Variants in FXN observed in about 807,000 individuals in gnomAD.
The protein encoded by FXN is frataxin, mitochondrial.
FXN carries 14 observed loss-of-function variants against 22.4 expected under a neutral mutation model. The ratio of observed to expected loss-of-function variants is 0.62; its 90% CI spans 0.41 to 0.98. The LOEUF is 0.98. FXN is among the 50% of genes least tolerant of loss of function. The pLI, the probability that FXN is intolerant of heterozygous loss-of-function variation, is 0.00. For synonymous variants in FXN, 120 were observed against 114.1 expected (o/e 1.05, Z -0.33); for missense variants, 267 against 268.4 (o/e 0.99, Z 0.04).
chr9:69,053,063 A>T (rs1831882411), intron 2 of FXN, 77 bp from the exon 3 acceptor site: 2 of 1,420,454 alleles, frequency 1.4e-6, no homozygotes. Context: ...GAATTTAAAT[A>T]ACAAATGTAT....
At chr9:69,067,225 C>T (rs1832183484) in intron 4 of FXN, among the ~76,000 whole-genome samples, 1 of 152,240 alleles carries the variant, frequency 6.6e-6, no homozygotes, top group Non-Finnish European at 1.5e-5. Context: ...GGCGGCTCTC[C>T]CCACTCCCGG....
chr9:69,037,149 C>G (rs773140020), intron 1 of FXN, among the ~76,000 whole-genome samples: 27 of 151,748 alleles, frequency 1.8e-4, no homozygotes, highest in Middle Eastern at 3.4e-3. Flanking sequence ...CCTGGCAGGA[C>G]GCGGTGGCTC....
chr9:69,053,944 ATG>A (rs1381384724), intron 3 of FXN, among the ~76,000 whole-genome samples: 2 of 152,150 alleles, frequency 1.3e-5, no homozygotes, highest in Non-Finnish European at 2.9e-5. Context: ...GGGGTGTGGC[ATG>A]ACCTGGGCAG....
Position 69,075,490 on chromosome 9 carries a change from C to G in FXN, c.*2728C>G, listed in dbSNP as rs1361398309. 1.0e-6 allele frequency: 1 copy of G among 980,356 alleles called. No homozygotes were observed. Among genetic ancestry groups the G allele is most frequent in the African/African-American group, 1.8e-5 (1 of 55,406 alleles). 60.7% of individuals were successfully genotyped at this position (980,356 alleles called of 1,614,324 possible). ...AATAAATAAATAAATAAAGGGACTT[C>G]AAACACATGAACAGCAGCCAGGGGA... On this transcript the variant is annotated 3_prime_UTR_variant, in exon 5 of 5. Transcript: ENST00000484259.
rs1428032079 is a variant in FXN, at chr9:69,064,967, A to C, written c.414A>C (p.Gly138=). The C allele has an allele frequency of 6.2e-7, 1 of 1,613,790 alleles. No homozygotes were observed. The highest frequency in any genetic ancestry group is 1.7e-5 in the Admixed American group (1 of 59,990). ...GTGTCTTAACTGTCAAACTGGGTGG[A>C]GATCTAGGAACCTATGTGATCAACA... ...GSGVLTVKLG[G]DLGTYVINKQ... is the part of the protein sequence containing the mutation. The change falls in exon 4 of 5, where the codon GGA becomes GGC. Residue 138 remains glycine (G), a synonymous_variant. Transcript: ENST00000484259.
At chr9:69,067,494 C>G (rs577524070) in intron 4 of FXN, among the ~76,000 whole-genome samples, 6 of 152,274 alleles carry the variant, frequency 3.9e-5, no homozygotes, top group Non-Finnish European at 8.8e-5. Flanking sequence ...CATGCTGTGG[C>G]CCGGACAGTG....
rs1026671871 is a variant in FXN, at chr9:69,035,937, C to T, written c.155C>T (p.Pro52Leu). 23 of 1,470,710 alleles carry T rather than the reference C, an allele frequency of 1.6e-5. No individual in the cohort carries two copies. Among genetic ancestry groups the T allele is most frequent in the African/African-American group, 1.3e-4 (9 of 68,164 alleles). The allele number at this position is 1,470,710 out of a possible 1,614,324, so 91.1% of individuals were successfully genotyped here. A position where few individuals can be genotyped will look rare whatever the true frequency, so the allele number is the denominator to read the frequency against. The change falls in exon 1 of 5, where the codon CCC becomes CTC. Residue 52 changes from proline to leucine, a missense_variant. Pro to Leu is a moderately conservative substitution (Grantham distance 98). Transcript: ENST00000484259. The part of the protein sequence containing the change: ...LRTDIDATCT[P>L]RRASSNQRGL... ...ACCGACATCGATGCGACCTGCACGCCCCGCCGCGCAGTAAGTATCCGCGCC... is the reference window on the plus strand; with the variant it reads ...ACCGACATCGATGCGACCTGCACGCTCCGCCGCGCAGTAAGTATCCGCGCC...
At position 69,074,294 on chromosome 9, in the gene FXN, T is replaced by C; in HGVS notation, c.*1532T>C. The stretch of plus-strand genomic sequence containing the variant: ...ATTTTAATTTTTACTGACCTGCACT[T>C]TATACAAAGCAACAAGCCTCCAGGA... On this transcript the variant is annotated 3_prime_UTR_variant, in exon 5 of 5. Coordinates refer to ENST00000484259, the MANE Select transcript of FXN (RefSeq NM_000144.5). The C allele has an allele frequency of 1.0e-6, 1 of 985,244 alleles. No homozygotes were observed. The highest frequency in any genetic ancestry group is 1.2e-6 in the Non-Finnish European group (1 of 829,766). The allele number at this position is 985,244 out of a possible 1,614,324, so 61.0% of individuals were successfully genotyped here. A position where few individuals can be genotyped will look rare whatever the true frequency, so the allele number is the denominator to read the frequency against.
chr9:69,066,695 A>G (rs1364586450), intron 4 of FXN, among the ~76,000 whole-genome samples: 1 of 151,450 alleles, frequency 6.6e-6, no homozygotes, highest in African/African-American at 2.4e-5. Flanking sequence ...GATATCGGGC[A>G]GGCACTTACC....
chr9:69,078,306 C>T lies in FXN; in HGVS notation c.*5544C>T. The stretch of plus-strand genomic sequence containing the variant: ...GCCACCTGATCCTGCTGGGATTCCT[C>T]TTGCCAGTCCATCAGCAGTTCCCCT... On this transcript the variant is annotated 3_prime_UTR_variant, in exon 5 of 5. Transcript: ENST00000484259. The T allele has an allele frequency of 1.0e-6, 1 of 985,536 alleles. No homozygotes were observed. Among genetic ancestry groups the T allele is most frequent in the Non-Finnish European group, 1.2e-6 (1 of 830,002 alleles). The allele number at this position is 985,536 out of a possible 1,614,324, so 61.0% of individuals were successfully genotyped here.
intron 1 of FXN, 28 bp from the exon 2 acceptor site, chr9:69,046,357 T>A (rs1192748822): frequency 6.5e-7 from 1 of 1,538,426 alleles, no homozygotes; most frequent in South Asian, 1.1e-5. Context: ...TGAAAAATAG[T>A]AACGTACTTC....
Position 69,035,908 on chromosome 9 carries a change from G to A in FXN, c.126G>A (p.Leu42=). The A allele has an allele frequency of 6.7e-7, 1 of 1,487,258 alleles. No homozygotes were observed. The highest frequency in any genetic ancestry group is 2.8e-5 in the East Asian group (1 of 35,508). 92.1% of individuals were successfully genotyped at this position (1,487,258 alleles called of 1,614,324 possible). ...ELAPLCGRRG[L]RTDIDATCTP... Reference sequence around the variant, plus strand: ...CCCCACTCTGCGGCCGCCGTGGCCTGCGCACCGACATCGATGCGACCTGCA... The same window carrying A: ...CCCCACTCTGCGGCCGCCGTGGCCTACGCACCGACATCGATGCGACCTGCA... Residue 42 remains leucine, a synonymous_variant, in exon 1 of 5, where the codon CTG becomes CTA. Coordinates refer to ENST00000484259, the MANE Select transcript of FXN (RefSeq NM_000144.5).
rs746694402 is a variant in FXN at position 69,077,073 on chromosome 9, C to T, written c.*4311C>T. The stretch of plus-strand genomic sequence containing the variant: ...GGATTACAGGTGCCTGCCACCACAC[C>T]CGGCTAATTTTTGTATTTTTAGTAG... On this transcript the variant is annotated 3_prime_UTR_variant, in exon 5 of 5. Coordinates refer to ENST00000484259, the MANE Select transcript of FXN (RefSeq NM_000144.5). 1.6e-4 allele frequency: 74 copies of T among 456,182 alleles called. No homozygotes were observed. Among genetic ancestry groups the T allele is most frequent in the Non-Finnish European group, 2.1e-4 (72 of 346,518 alleles). The allele number at this position is 456,182 out of a possible 1,614,324, so 28.3% of individuals were successfully genotyped here.
rs1177920740 is a variant in FXN at position 69,035,957 on chromosome 9, C to T, written c.165+10C>T. On this transcript the variant is annotated intron_variant, in intron 1 of 4. Coordinates refer to ENST00000484259, the MANE Select transcript of FXN (RefSeq NM_000144.5). ...CACGCCCCGCCGCGCAGTAAGTATC[C>T]GCGCCGGGAACAGCCGCGGGCCGCA... 4 of 1,458,752 alleles carry T rather than the reference C, an allele frequency of 2.7e-6. No homozygotes were observed. Among genetic ancestry groups the T allele is most frequent in the Non-Finnish European group, 2.7e-6 (3 of 1,109,804 alleles). The allele number at this position is 1,458,752 out of a possible 1,614,324, so 90.4% of individuals were successfully genotyped here.
At chr9:69,069,422 G>A (rs1832232431) in intron 4 of FXN, among the ~76,000 whole-genome samples, 1 of 152,222 alleles carries the variant, frequency 6.6e-6, no homozygotes, top group Non-Finnish European at 1.5e-5. Context: ...ATGAATGTTG[G>A]AGTGAAGCAA....
chr9:69,056,740 CTTT>C (rs796950003), intron 3 of FXN, among the ~76,000 whole-genome samples: 1 of 142,878 alleles, frequency 7.0e-6, no homozygotes, highest in Non-Finnish European at 1.5e-5. Context: ...TGAAGTGAGT[CTTT>C]TTTTTTTTTT....
At chr9:69,036,853 G>A (rs1831559393) in intron 1 of FXN, among the ~76,000 whole-genome samples, 2 of 152,172 alleles carry the variant, frequency 1.3e-5, no homozygotes, top group African/African-American at 4.8e-5. Flanking sequence ...TATTTAATGA[G>A]GGTCTTGAAG....
rs910191022 is a variant in FXN at position 69,077,075 on chromosome 9, G to A, written c.*4313G>A. 1.8e-5 allele frequency: 8 copies of A among 456,682 alleles called. No individual in the cohort carries two copies. Among genetic ancestry groups the A allele is most frequent in the African/African-American group, 1.1e-4 (5 of 46,884 alleles). 28.3% of individuals were successfully genotyped at this position (456,682 alleles called of 1,614,324 possible). A position where few individuals can be genotyped will look rare whatever the true frequency, so the allele number is the denominator to read the frequency against. On this transcript the variant is annotated 3_prime_UTR_variant, in exon 5 of 5. Transcript: ENST00000484259. Reference sequence around the variant, plus strand: ...ATTACAGGTGCCTGCCACCACACCCGGCTAATTTTTGTATTTTTAGTAGAG... The same window carrying A: ...ATTACAGGTGCCTGCCACCACACCCAGCTAATTTTTGTATTTTTAGTAGAG...
intron 2 of FXN, among the ~76,000 whole-genome samples, chr9:69,051,390 G>T (rs1238806451): frequency 6.6e-6 from 1 of 151,906 alleles, no homozygotes; most frequent in Non-Finnish European, 1.5e-5. Flanking sequence ...CCCATGGCCA[G>T]CTCTTGATAC....
Sources: allele counts gnomAD v4.1 joint callset (sites outside exome capture counted in the v4.1 genomes callset), GRCh38; gene constraint gnomAD v4.1.1; transcripts MANE v1.5; gene names NCBI Gene and HGNC (gene_info 2026-07-23, HGNC 2026-07-21).